FRMD6: variants seen among roughly 807,000 people sequenced by gnomAD.
FRMD6 encodes the protein FERM domain-containing protein 6.
A neutral mutation model predicts 73.2 loss-of-function variants in FRMD6; 37 were observed. The ratio of observed to expected loss-of-function variants is 0.51; its 90% confidence interval spans 0.39 to 0.66. FRMD6 has a LOEUF of 0.66. Ranked by LOEUF, FRMD6 falls within the 30% of genes least tolerant of loss-of-function variation. The pLI, the probability that FRMD6 is intolerant of heterozygous loss-of-function variation, is 0.00. For missense variants in FRMD6, 714 were observed against 780.5 expected, an observed-to-expected ratio of 0.91 and a Z score of 1.02; for synonymous variants, 273 against 282.2, an observed-to-expected ratio of 0.97 and a Z score of 0.33.
intron 1 of FRMD6, among the ~76,000 whole-genome samples, chr14:51,495,270 T>A (rs958038078): frequency 6.6e-6 from 1 of 152,234 alleles, no homozygotes; most frequent in East Asian, 1.9e-4. Context: ...TTCATATCCA[T>A]ATTTCACCAA....
At chr14:51,432,094 A>G in the FRMD6 span, among the ~76,000 whole-genome samples, 2 of 152,272 alleles carry the variant, frequency 1.3e-5, no homozygotes, top group Non-Finnish European at 2.9e-5. Flanking sequence ...GAATCAAAAG[A>G]AGACAAGATG....
chr14:51,610,197 G>A (rs1234419149), intron 2 of FRMD6, among the ~76,000 whole-genome samples: 1 of 152,070 alleles, frequency 6.6e-6, no homozygotes, highest in South Asian at 2.1e-4. Context: ...GGACCCGGGG[G>A]TGGGGGAGTC....
intron 13 of FRMD6, among the ~76,000 whole-genome samples, chr14:51,727,019 T>G (rs1897995877): frequency 6.6e-6 from 1 of 151,792 alleles, no homozygotes; most frequent in South Asian, 2.1e-4. Context: ...TACCACCTCT[T>G]GGGATAATAA....
intron 2 of FRMD6, among the ~76,000 whole-genome samples, chr14:51,577,191 G>A (rs1047327433): frequency 6.6e-6 from 1 of 152,098 alleles, no homozygotes; most frequent in Non-Finnish European, 1.5e-5. Flanking sequence ...TCAGAAGGGA[G>A]TGGGTGGGAA....
Position 51,692,666 on chromosome 14 carries a change from T to C in FRMD6, c.99+2731T>C, listed in dbSNP as rs539775034. ...GAGAACAGACTGGAAGATAGCTAGT[T>C]CATTTGTTCCTATGGATCAGTGGTT... On this transcript the variant is annotated intron_variant, in intron 2 of 13. Coordinates refer to ENST00000344768, the MANE Select transcript of FRMD6 (RefSeq NM_001267046.2). 5 of 152,324 alleles carry C rather than the reference T, an allele frequency of 3.3e-5. No individual in the cohort carries two copies. In the East Asian group the frequency reaches 7.7e-4, roughly 23 times the overall value. The allele number at this position is 152,324 out of a possible 1,614,324, so 9.4% of individuals were successfully genotyped here. A position where few individuals can be genotyped will look rare whatever the true frequency, so the allele number is the denominator to read the frequency against.
chr14:51,581,192 C>A (rs2139659972), intron 2 of FRMD6, among the ~76,000 whole-genome samples: 1 of 152,254 alleles, frequency 6.6e-6, no homozygotes, highest in East Asian at 1.9e-4. Context: ...CATGCATCCG[C>A]CCACACTTCC....
the FRMD6 span, among the ~76,000 whole-genome samples, chr14:51,482,480 C>T: frequency 2.6e-5 from 4 of 152,182 alleles, no homozygotes; most frequent in East Asian, 5.8e-4. Context: ...TATAACCTGT[C>T]TTTACCAGAG....
Position 51,701,032 on chromosome 14 carries a change from C to T in FRMD6, c.191-24C>T, listed in dbSNP as rs200495092. 110 of 1,129,708 alleles carry T rather than the reference C, an allele frequency of 9.7e-5. No individual in the cohort carries two copies. In the South Asian group the frequency reaches 1.3e-3, roughly 13 times the overall value. 70.0% of individuals were successfully genotyped at this position (1,129,708 alleles called of 1,614,324 possible). ...TTTAAAAATCCTTTCTTTAGCATGTCGTCTCCTTTTTTTTAATGTACAGAT... is the reference window on the plus strand; with the variant it reads ...TTTAAAAATCCTTTCTTTAGCATGTTGTCTCCTTTTTTTTAATGTACAGAT... On this transcript the variant is annotated intron_variant, in intron 3 of 13. Coordinates refer to ENST00000344768, the MANE Select transcript of FRMD6 (RefSeq NM_001267046.2).
chr14:51,449,077 T>C, the FRMD6 span, among the ~76,000 whole-genome samples: 1 of 152,150 alleles, frequency 6.6e-6, no homozygotes, highest in Non-Finnish European at 1.5e-5. Flanking sequence ...AAATAGAGAT[T>C]CATCTCTGCT....
At chr14:51,599,461 G>A (rs564449363) in intron 2 of FRMD6, among the ~76,000 whole-genome samples, 176 of 152,184 alleles carry the variant, frequency 1.2e-3, no homozygotes, top group Non-Finnish European at 2.0e-3. Flanking sequence ...GTTCTCAAAA[G>A]CAATTGCAAC....
chr14:51,709,506 G>C (rs1896821772), intron 7 of FRMD6, among the ~76,000 whole-genome samples: 1 of 152,124 alleles, frequency 6.6e-6, no homozygotes, highest in Non-Finnish European at 1.5e-5. Flanking sequence ...TGGATGTATT[G>C]CTCAGTAATC....
At chr14:51,485,058 G>A (rs1038511244), upstream of FRMD6, among the ~76,000 whole-genome samples, 1 of 152,212 alleles carries the variant, frequency 6.6e-6, no homozygotes, top group South Asian at 2.1e-4. Context: ...AGAACACAGC[G>A]TAATTGAAGT....
chr14:51,710,101 T>G (rs542767626), intron 7 of FRMD6, among the ~76,000 whole-genome samples: 6 of 152,290 alleles, frequency 3.9e-5, no homozygotes, highest in African/African-American at 1.2e-4. Context: ...GAAGTAGATA[T>G]CCCCAATTTA....
In FRMD6 at chr14:51,708,091, G is replaced by C. The variant is rs1177285350; in HGVS notation, c.572G>C (p.Arg191Thr). 6.2e-7 allele frequency: 1 copy of C among 1,613,080 alleles called. No individual in the cohort carries two copies. Among genetic ancestry groups the C allele is most frequent in the Non-Finnish European group, 8.5e-7 (1 of 1,179,358 alleles). The change falls in exon 7 of 14, where the codon AGG becomes ACG. Residue 191 changes from arginine (R) to threonine (T), a missense_variant. Arg to Thr is a moderately conservative substitution (Grantham distance 71). Coordinates refer to ENST00000344768, the MANE Select transcript of FRMD6 (RefSeq NM_001267046.2). ...GTATCCCAACAGGTTGTTTCCAAGAGGGGGAAGGACTACATCCTGAAGCAC... is the reference window on the plus strand; with the variant it reads ...GTATCCCAACAGGTTGTTTCCAAGACGGGGAAGGACTACATCCTGAAGCAC... Reference protein sequence around the residue: ...AYFPSWVVSKRGKDYILKHIP... With the variant: ...AYFPSWVVSKTGKDYILKHIP...
chr14:51,688,631 G>A (rs543994892), intron 1 of FRMD6, among the ~76,000 whole-genome samples: 3 of 152,028 alleles, frequency 2.0e-5, no homozygotes, highest in East Asian at 1.9e-4. Flanking sequence ...AGTCTTTTAC[G>A]TCCTACAAAT....
the FRMD6 span, among the ~76,000 whole-genome samples, chr14:51,403,898 G>A: frequency 6.6e-5 from 10 of 152,172 alleles, no homozygotes; most frequent in South Asian, 2.1e-4. Flanking sequence ...ATATTCTTGC[G>A]TGGGTCTTCT....
chr14:51,494,945 G>T (rs565381357), intron 1 of FRMD6, among the ~76,000 whole-genome samples: 1 of 152,260 alleles, frequency 6.6e-6, no homozygotes, highest in South Asian at 2.1e-4. Context: ...TTACAATATG[G>T]ATAAGCTGAG....
intron 2 of FRMD6, chr14:51,637,671 A>G (rs1295576489): frequency 6.6e-6 from 1 of 152,238 alleles, no homozygotes; most frequent in Non-Finnish European, 1.5e-5. Context: ...CTTAAAGGAA[A>G]TGGAGAACAG....
chr14:51,568,672 T>G (rs1596619870), intron 1 of FRMD6, among the ~76,000 whole-genome samples: 1 of 152,106 alleles, frequency 6.6e-6, no homozygotes, highest in Non-Finnish European at 1.5e-5. Context: ...AGGAGAAGTA[T>G]GGAAACAATG....
Sources: allele counts gnomAD v4.1 joint callset (sites outside exome capture counted in the v4.1 genomes callset), GRCh38; gene constraint gnomAD v4.1.1; transcripts MANE v1.5; gene names NCBI Gene and HGNC (gene_info 2026-07-23, HGNC 2026-07-21).